The following EEPD1 variants were observed in gnomAD, a reference collection of about 807,000 sequenced individuals.
The protein encoded by EEPD1 is endonuclease/exonuclease/phosphatase family domain containing 1, also known as endonuclease/exonuclease/phosphatase family domain-containing protein 1.
Under a neutral mutation model 46.3 loss-of-function variants are expected in EEPD1, and 17 were observed. The observed-to-expected ratio is 0.37, with a 90% CI of 0.25 to 0.55. The LOEUF is 0.55. EEPD1 is among the 20% of genes least tolerant of loss of function. EEPD1 has a pLI of 0.83. For synonymous variants in EEPD1, 313 were observed against 315.6 expected, an observed-to-expected ratio of 0.99 and a Z score of 0.09; for missense variants, 673 against 745.6, an observed-to-expected ratio of 0.90 and a Z score of 1.13.
chr7:36,158,239 A>G (rs1003744974), intron 2 of EEPD1, among the ~76,000 whole-genome samples: 4 of 152,138 alleles, frequency 2.6e-5, no homozygotes, highest in African/African-American at 4.8e-5. Context: ...CTTTAGACCT[A>G]TGCCCTTTGC....
At position 36,300,323 on chromosome 7, in the gene EEPD1, C is replaced by T. The variant is rs1787600317; in HGVS notation, c.*1117C>T. 1 of 152,208 alleles carries T rather than the reference C, an allele frequency of 6.6e-6. No homozygotes were observed. Among genetic ancestry groups the T allele is most frequent in the Non-Finnish European group, 1.5e-5 (1 of 68,048 alleles). The allele number at this position is 152,208 out of a possible 1,614,324, so 9.4% of individuals were successfully genotyped here. ...CCCGAGCCCAAGCCAGGAGGGATTT[C>T]CCTTAGGCAACACCATCCCAGGGAG... On this transcript the variant is annotated 3_prime_UTR_variant, in exon 8 of 8. Transcript: ENST00000242108.
chr7:36,284,779 G>A lies in EEPD1; in HGVS notation c.1135G>A (p.Gly379Arg), dbSNP rs144203625. ...GGAGAGCTCGCCAAGCAACGGGCAC[G>A]GGAAGCTGGCGGGCCCCAGCCCATA... Reference protein sequence around the residue: ...SQESSPSNGHGKLAGPSPYLG... With the variant: ...SQESSPSNGHRKLAGPSPYLG... Residue 379 changes from glycine to arginine, a missense_variant, in exon 5 of 8, where the codon GGG (glycine) becomes AGG (arginine). Gly to Arg is a moderately radical substitution (Grantham distance 125). Transcript: ENST00000242108. The A allele has an allele frequency of 2.0e-4, 317 of 1,591,578 alleles. 1 individual carries two copies. The highest frequency in any genetic ancestry group is 1.6e-4 in the East Asian group (7 of 43,162).
intron 2 of EEPD1, among the ~76,000 whole-genome samples, chr7:36,188,471 T>C (rs563704967): frequency 6.6e-6 from 1 of 152,230 alleles, no homozygotes; most frequent in South Asian, 2.1e-4. Context: ...TTGATGCATG[T>C]GTGAAACATT....
intron 5 of EEPD1, among the ~76,000 whole-genome samples, chr7:36,286,505 T>C (rs528692337): frequency 6.6e-6 from 1 of 152,360 alleles, no homozygotes; most frequent in South Asian, 2.1e-4. Flanking sequence ...GCAAGATTGC[T>C]AAGCCCTGAG....
At chr7:36,275,081 C>T (rs958293151) in intron 3 of EEPD1, among the ~76,000 whole-genome samples, 23 of 152,334 alleles carry the variant, frequency 1.5e-4, no homozygotes, top group Admixed American at 7.8e-4. Context: ...ATTTGCAAAA[C>T]TCATTGTCAA....
intron 2 of EEPD1, among the ~76,000 whole-genome samples, chr7:36,215,871 C>A (rs1786021935): frequency 6.6e-6 from 1 of 152,234 alleles, no homozygotes; most frequent in African/African-American, 2.4e-5. Context: ...CAACTAAATT[C>A]TTTTACATTT....
At chr7:36,175,636 G>A (rs77206830) in intron 2 of EEPD1, among the ~76,000 whole-genome samples, 2,241 of 152,142 alleles carry the variant, frequency 0.015, 54 homozygotes, top group African/African-American at 0.051. Flanking sequence ...AGGACGTTTA[G>A]TGAATCTCTG....
Position 36,284,699 on chromosome 7 carries a change from C to T in EEPD1, c.1055C>T (p.Ala352Val). Residue 352 changes from alanine to valine, a missense_variant, in exon 5 of 8, where the codon GCA (alanine) becomes GTA (valine). Transcript: ENST00000242108. Reference sequence around the variant, plus strand: ...TCTCCGCTGCAGGGAGCTGGGTATGCAGGATTCCTATGGGACGCGGCTGCC... The same window carrying T: ...TCTCCGCTGCAGGGAGCTGGGTATGTAGGATTCCTATGGGACGCGGCTGCC... ...SSQLQKGAGY[A>V]GFLWDAAAGM... 6.2e-7 allele frequency: 1 copy of T among 1,612,218 alleles called. No homozygotes were observed. Among genetic ancestry groups the T allele is most frequent in the South Asian group, 1.1e-5 (1 of 91,038 alleles).
intron 2 of EEPD1, among the ~76,000 whole-genome samples, chr7:36,217,355 G>GT (rs1393554000): frequency 6.6e-6 from 1 of 152,256 alleles, no homozygotes; most frequent in East Asian, 1.9e-4. Context: ...ACTGGCGAGA[G>GT]TGTCTTTTAG....
chr7:36,226,851 A>G (rs557288504), intron 2 of EEPD1, among the ~76,000 whole-genome samples: 1 of 152,310 alleles, frequency 6.6e-6, no homozygotes, highest in South Asian at 2.1e-4. Flanking sequence ...GGCTTTATAT[A>G]TATAATAAAT....
chr7:36,260,669 C>T (rs1259507066), intron 3 of EEPD1, among the ~76,000 whole-genome samples: 4 of 152,298 alleles, frequency 2.6e-5, no homozygotes, highest in Middle Eastern at 3.4e-3. Context: ...AAGAAAGCCT[C>T]GTGATAGTCT....
intron 2 of EEPD1, among the ~76,000 whole-genome samples, chr7:36,192,028 C>T (rs138843957): frequency 1.3e-5 from 2 of 152,286 alleles, no homozygotes; most frequent in South Asian, 4.1e-4. Flanking sequence ...TCCGCGTTGT[C>T]GAAACCCCAT....
At chr7:36,282,289 T>C (rs551224115) in intron 4 of EEPD1, among the ~76,000 whole-genome samples, 1 of 152,374 alleles carries the variant, frequency 6.6e-6, no homozygotes, top group South Asian at 2.1e-4. Context: ...AAGCCTTTTA[T>C]AGTCCATTCA....
chr7:36,160,679 G>GGGAGGGGGGGGGGGT (rs199691345), intron 2 of EEPD1, among the ~76,000 whole-genome samples: 1 of 115,684 alleles, frequency 8.6e-6, no homozygotes, highest in Non-Finnish European at 1.9e-5. Context: ...GAGGTGGTGG[G>GGGAGGGGGGGGGGGT]GGGCGGGGCG....
At chr7:36,282,814 A>T (rs573055010) in intron 4 of EEPD1, among the ~76,000 whole-genome samples, 25 of 152,306 alleles carry the variant, frequency 1.6e-4, no homozygotes, top group African/African-American at 5.5e-4. Context: ...CCCAGTTGTT[A>T]CCCTGCAGTA....
intron 6 of EEPD1, among the ~76,000 whole-genome samples, chr7:36,292,011 A>G (rs1049739000): frequency 6.6e-6 from 1 of 152,344 alleles, no homozygotes; most frequent in Middle Eastern, 3.4e-3. Context: ...TTTAGGAGAA[A>G]ACCTTTCCCC....
At chr7:36,235,756 A>G (rs553025811) in intron 2 of EEPD1, among the ~76,000 whole-genome samples, 4 of 152,358 alleles carry the variant, frequency 2.6e-5, no homozygotes, top group Admixed American at 6.5e-5. Flanking sequence ...AATGTATTCA[A>G]ATTCCTCACA....
intron 3 of EEPD1, among the ~76,000 whole-genome samples, chr7:36,254,946 T>C (rs1397752002): frequency 6.6e-6 from 1 of 152,220 alleles, no homozygotes; most frequent in Admixed American, 6.5e-5. Flanking sequence ...TTTTGAGAAG[T>C]GTCTTTTCAT....
At chr7:36,296,150 A>G (rs10262791) in intron 6 of EEPD1, among the ~76,000 whole-genome samples, 47,510 of 151,870 alleles carry the variant, frequency 0.31, 7,868 homozygotes, top group African/African-American at 0.39. Flanking sequence ...ATGTGCATCA[A>G]CATGATGGAT....
Sources: gnomAD v4.1 joint callset for allele counts (sites outside exome capture counted in the v4.1 genomes callset) on GRCh38, gnomAD v4.1.1 for gene constraint, MANE v1.5 for transcripts, NCBI Gene and HGNC (gene_info 2026-07-23, HGNC 2026-07-21) for gene names.